Variants in GRM6 observed in about 807,000 individuals in gnomAD.
GRM6 encodes the protein glutamate metabotropic receptor 6.
In GRM6, 73 loss-of-function variants were observed where a neutral mutation model predicts 78.4. The observed-to-expected ratio is 0.93, with a 90% CI of 0.77 to 1.13. The LOEUF is 1.13. Among genes scored for constraint, GRM6 ranks in the 50% most tolerant of loss-of-function variants. The pLI, the probability that GRM6 is intolerant of heterozygous loss-of-function variation, is 0.00. For missense variants in GRM6, 1,251 were observed against 1,256.4 expected (o/e 1.00, Z 0.07); for synonymous variants, 580 against 555.0 (o/e 1.05, Z -0.63).
rs756676915 is a variant in GRM6 at position 178,981,885 on chromosome 5, C to T, written c.2437-31G>A. On this transcript the variant is annotated intron_variant, in intron 10 of 10. Coordinates refer to ENST00000517717, the MANE Select transcript of GRM6 (RefSeq NM_000843.4). The surrounding 1 kb of genome is among the most constrained non-coding windows in gnomAD (Gnocchi z 5.1). ...CCATGGAAGAGGGGACCAGATGGGA[C>T]TCAGCCCTGCTCTCCCTGCCCCGCT... 21 of 1,306,530 alleles carry T rather than the reference C, an allele frequency of 1.6e-5. No homozygotes were observed. The highest frequency in any genetic ancestry group is 2.3e-5 in the Non-Finnish European group (21 of 899,810). 80.9% of individuals were successfully genotyped at this position (1,306,530 alleles called of 1,614,324 possible).
rs552187252 is a variant in GRM6, at chr5:178,979,014, G to A, written c.*2643C>T. On this transcript the variant is annotated 3_prime_UTR_variant, in exon 11 of 11. Coordinates refer to ENST00000517717, the MANE Select transcript of GRM6 (RefSeq NM_000843.4). ...CGTTTGTAATCCGAACACTTTGGGA[G>A]GTGGAGGCAGGAGGATCGCTCGAGC... 571 of 152,442 alleles carry A rather than the reference G, an allele frequency of 3.7e-3. 3 individuals are homozygous for A. Among genetic ancestry groups the A allele is most frequent in the Non-Finnish European group, 5.8e-3 (395 of 68,160 alleles). The allele number at this position is 152,442 out of a possible 1,614,324, so 9.4% of individuals were successfully genotyped here.
chr5:178,983,290 GC>G (rs1174770357), intron 9 of GRM6, 69 bp from the exon 10 acceptor site: 1 of 1,359,510 alleles, frequency 7.4e-7, no homozygotes, highest in Non-Finnish European at 1.0e-6. Flanking sequence ...CCTGACAGAG[GC>G]CCCTGCGGGT....
At chr5:178,985,504 C>T (rs570951625) in intron 9 of GRM6, 111 of 339,560 alleles carry the variant, frequency 3.3e-4, no homozygotes, top group Non-Finnish European at 5.4e-4. Flanking sequence ...GAGATCGAGA[C>T]CATCCTGGCT....
At chr5:178,985,485 C>G (rs542148803) in intron 9 of GRM6, 7 of 341,418 alleles carry the variant, frequency 2.1e-5, no homozygotes, top group East Asian at 8.3e-5. Context: ...GGGCGGATCA[C>G]GAGGTCAGGA....
Position 178,992,636 on chromosome 5 carries a change from A to T in GRM6, c.505-553T>A, listed in dbSNP as rs1019757746. Among the ~76,000 whole-genome samples, 2 of 152,082 alleles carry T rather than the reference A, an allele frequency of 1.3e-5. No individual in the cohort carries two copies. Among genetic ancestry groups the T allele is most frequent in the Non-Finnish European group, 2.9e-5 (2 of 68,026 alleles). ...TGCATTAGAGTGATTAACAGCAGAG[A>T]CCAGAGGCTGAACTGACCGGGGAGT... On this transcript the variant is annotated intron_variant, in intron 2 of 10. Transcript: ENST00000517717. This position sits in a 1 kb window ranked among gnomAD's most constrained non-coding sequence, Gnocchi z 4.9.
chr5:178,987,462 G>A, intron 7 of GRM6: 1 of 457,008 alleles, frequency 2.2e-6, no homozygotes, highest in Non-Finnish European at 4.4e-6. Flanking sequence ...TCACACAATG[G>A]GATGCGATTC....
intron 7 of GRM6, among the ~76,000 whole-genome samples, chr5:178,987,838 C>A (rs1760597533): frequency 6.6e-6 from 1 of 151,530 alleles, no homozygotes; most frequent in Non-Finnish European, 1.5e-5. Context: ...CAGCTCACTG[C>A]AACCTCTGCC....
chr5:178,987,500 C>A, intron 7 of GRM6: 1 of 454,554 alleles, frequency 2.2e-6, no homozygotes, highest in Non-Finnish European at 4.4e-6. Context: ...CAGTTCTGAC[C>A]CATGCTATAA....
chr5:178,989,086 C>T lies in GRM6; in HGVS notation c.1203G>A (p.Val401=). ...RDSTYEQEGK[V]QFVIDAVYAI... is the part of the protein sequence containing the mutation. The stretch of plus-strand genomic sequence containing the variant: ...CGTACACCGCATCAATCACAAACTG[C>T]ACCTTGCCCTCCTGCTCGTAGGTGG... Residue 401 remains valine, a synonymous_variant, in exon 7 of 11, where the codon GTG becomes GTA. Coordinates refer to ENST00000517717, the MANE Select transcript of GRM6 (RefSeq NM_000843.4). The T allele has an allele frequency of 3.1e-6, 5 of 1,614,094 alleles. No individual in the cohort carries two copies. Among genetic ancestry groups the T allele is most frequent in the Non-Finnish European group, 2.5e-6 (3 of 1,179,978 alleles).
chr5:178,994,353 G>A, intron 2 of GRM6, 88 bp downstream of exon 2: 1 of 1,173,958 alleles, frequency 8.5e-7, no homozygotes. Flanking sequence ...GACTCTTTCA[G>A]AAGAAGTAAA....
chr5:178,990,547 C>G, intron 5 of GRM6, 45 bp downstream of exon 5: 1 of 1,510,566 alleles, frequency 6.6e-7, no homozygotes. Flanking sequence ...AGAGGGGGTG[C>G]TGGGGAGACG....
intron 9 of GRM6, chr5:178,983,480 T>G (rs1581891952): frequency 3.0e-6 from 2 of 671,242 alleles, no homozygotes; most frequent in East Asian, 5.8e-5. Flanking sequence ...CCGTATATGT[T>G]GGCAACATCA....
intron 9 of GRM6, chr5:178,985,718 A>AACAC (rs1554113578): frequency 7.1e-6 from 3 of 420,702 alleles, no homozygotes; most frequent in African/African-American, 4.3e-5. Flanking sequence ...AAAAAAACAA[A>AACAC]ACAACACAGG....
In GRM6 at chr5:178,983,012, G is replaced by C. The variant is rs1346870801; in HGVS notation, c.2334C>G (p.Thr778=). The C allele has an allele frequency of 6.2e-7, 1 of 1,614,028 alleles. No homozygotes were observed. The highest frequency in any genetic ancestry group is 1.3e-5 in the African/African-American group (1 of 74,940). The stretch of plus-strand genomic sequence containing the variant: ...AGCCGATGGGCTTGGCCTCGTTGAA[G>C]GTCTCGGGCACGCCACGGGCCTTGA... ...YAIKARGVPE[T]FNEAKPIGFT... The change falls in exon 10 of 11, where the codon ACC becomes ACG. Residue 778 remains threonine (T), a synonymous_variant. Coordinates refer to ENST00000517717, the MANE Select transcript of GRM6 (RefSeq NM_000843.4).
At chr5:178,983,474 A>G (rs559383761) in intron 9 of GRM6, 1 of 676,264 alleles carries the variant, frequency 1.5e-6, no homozygotes, top group African/African-American at 1.8e-5. Flanking sequence ...TGCCGCCCGT[A>G]TATGTTGGCA....
At position 178,986,299 on chromosome 5, in the gene GRM6, G is replaced by A. The variant is rs763627306; in HGVS notation, c.1955C>T (p.Ala652Val). 8 of 1,613,940 alleles carry A rather than the reference G, an allele frequency of 5.0e-6. No individual in the cohort carries two copies. The South Asian group carries it at 6.6e-5, about 13-fold the overall frequency. The change falls in exon 9 of 11, where the codon GCC (alanine) becomes GTC (valine). Residue 652 changes from alanine to valine, a missense_variant. By Grantham distance (64) the Ala-to-Val change is moderately conservative. Coordinates refer to ENST00000517717, the MANE Select transcript of GRM6 (RefSeq NM_000843.4). ...VAEPGAAVCAARRLFLGLGTT... is the reference protein window; with the variant it reads ...VAEPGAAVCAVRRLFLGLGTT... Reference sequence around the variant, plus strand: ...GCCCAGGCCCAGGAAGAGCCTGCGGGCGGCACAGACCGCGGCCCCAGGCTC... The same window carrying A: ...GCCCAGGCCCAGGAAGAGCCTGCGGACGGCACAGACCGCGGCCCCAGGCTC...
Position 178,992,148 on chromosome 5 carries a change from G to A in GRM6, c.505-65C>T, listed in dbSNP as rs1760689940. ...CAGTAACTCAAGAGAGGGAGGGTAA[G>A]GGGGGCCCAGGACACGGACGGGGCA... On this transcript the variant is annotated intron_variant, in intron 2 of 10. Transcript: ENST00000517717. This position sits in a 1 kb window ranked among gnomAD's most constrained non-coding sequence, Gnocchi z 4.9. 1 of 1,057,764 alleles carries A rather than the reference G, an allele frequency of 9.5e-7. No homozygotes were observed. Among genetic ancestry groups the A allele is most frequent in the Non-Finnish European group, 1.4e-6 (1 of 697,350 alleles). 65.5% of individuals were successfully genotyped at this position (1,057,764 alleles called of 1,614,324 possible).
In GRM6 at chr5:178,980,536, G is replaced by A. The variant is rs576722071; in HGVS notation, c.*1121C>T. Reference sequence around the variant, plus strand: ...GAGCTCCTAAACCCATCCCCAACCCGAACACAACACAAATGCACCCCTGCT... The same window carrying A: ...GAGCTCCTAAACCCATCCCCAACCCAAACACAACACAAATGCACCCCTGCT... On this transcript the variant is annotated 3_prime_UTR_variant, in exon 11 of 11. Coordinates refer to ENST00000517717, the MANE Select transcript of GRM6 (RefSeq NM_000843.4). This position sits in a 1 kb window ranked among gnomAD's most constrained non-coding sequence, Gnocchi z 4.3. The A allele has an allele frequency of 3.6e-4, 56 of 154,332 alleles. 2 individuals carry two copies. In the South Asian group the frequency reaches 9.4e-3, roughly 26 times the overall value. 9.6% of individuals were successfully genotyped at this position (154,332 alleles called of 1,614,324 possible).
rs2113342740 is a variant in GRM6 at position 178,991,740 on chromosome 5, G to A, written c.721+127C>T. ...CAAAACAAAGAGGTCCCGCCCACAT[G>A]GAGCACCAGCCAGGCAACCTCGGCC... On this transcript the variant is annotated intron_variant, in intron 3 of 10. Coordinates refer to ENST00000517717, the MANE Select transcript of GRM6 (RefSeq NM_000843.4). This position sits in a 1 kb window ranked among gnomAD's most constrained non-coding sequence, Gnocchi z 5.0. 9.0e-7 allele frequency: 1 copy of A among 1,117,282 alleles called. No homozygotes were observed. Among genetic ancestry groups the A allele is most frequent in the East Asian group, 2.5e-5 (1 of 40,506 alleles). 69.2% of individuals were successfully genotyped at this position (1,117,282 alleles called of 1,614,324 possible). A position where few individuals can be genotyped will look rare whatever the true frequency, so the allele number is the denominator to read the frequency against.
Sources: allele counts gnomAD v4.1 joint callset (sites outside exome capture counted in the v4.1 genomes callset), GRCh38; gene constraint gnomAD v4.1.1; non-coding constraint Gnocchi (gnomAD v3.1); transcripts MANE v1.5; gene names NCBI Gene and HGNC (gene_info 2026-07-23, HGNC 2026-07-21).